Variants in NINL observed in about 807,000 individuals in gnomAD.
NINL encodes ninein-like protein.
NINL carries 153 observed loss-of-function variants against 160.3 expected under a neutral mutation model. That is an observed-to-expected ratio of 0.95 (90% confidence interval 0.84 to 1.09). The LOEUF (loss-of-function observed/expected upper bound fraction) is 1.09. Among genes scored for constraint, NINL ranks in the 50% least tolerant of loss-of-function variants. The pLI is 0.00. For synonymous variants in NINL, 800 were observed against 734.8 expected (o/e 1.09, Z -1.43); for missense variants, 1,829 against 1,764.0 (o/e 1.04, Z -0.66).
At position 25,543,254 on chromosome 20, in the gene NINL, TAA is replaced by T. The variant is rs903742302; in HGVS notation, c.-11-16658_-11-16657del. 2.0e-5 allele frequency among the ~76,000 whole-genome samples: 3 copies of T among 151,116 alleles called. No homozygotes were observed. In the East Asian group the frequency reaches 5.9e-4, roughly 30 times the overall value. ...AATTGCAGGATACAAAATCAGCACT[TAA>T]AAATCAGTTGCAGCCGGGTGTGGTG... On this transcript the variant is annotated intron_variant, in intron 1 of 23. Coordinates refer to ENST00000278886, the MANE Select transcript of NINL (RefSeq NM_025176.6).
At chr20:25,577,110 T>C (rs1411412270) in intron 1 of NINL, among the ~76,000 whole-genome samples, 1 of 152,130 alleles carries the variant, frequency 6.6e-6, no homozygotes, top group East Asian at 1.9e-4. Flanking sequence ...TACCCAGAGT[T>C]GGGGAAAATC....
intron 1 of NINL, among the ~76,000 whole-genome samples, chr20:25,532,887 C>T (rs753898950): frequency 2.6e-5 from 4 of 152,174 alleles, no homozygotes; most frequent in Admixed American, 1.3e-4. Flanking sequence ...AGGGGCAAAG[C>T]GTCTTTCCGT....
At chr20:25,564,337 G>T (rs2064977060) in intron 1 of NINL, among the ~76,000 whole-genome samples, 1 of 151,680 alleles carries the variant, frequency 6.6e-6, no homozygotes, top group African/African-American at 2.4e-5. Context: ...GTTTTTTTGA[G>T]ACAGAGTTTT....
At chr20:25,513,065 G>T in intron 3 of NINL, 59 bp from the exon 4 acceptor site, 1 of 1,529,022 alleles carries the variant, frequency 6.5e-7, no homozygotes, top group Admixed American at 1.9e-5. Flanking sequence ...GGCCCATGCA[G>T]GCCAGCAGGT....
Position 25,455,725 on chromosome 20 carries a change from A to C in NINL, c.3905T>G (p.Leu1302Arg). The part of the protein sequence containing the change: ...EERVEEAEMI[L>R]KNMEMLLQEK... ...TTGGAGGAGCATTTCCATATTCTTCAGAATCATCTCCGCCTCTTCCACCCG... is the reference window on the plus strand; with the variant it reads ...TTGGAGGAGCATTTCCATATTCTTCCGAATCATCTCCGCCTCTTCCACCCG... Residue 1302 changes from leucine (L) to arginine (R), a missense_variant, in exon 23 of 24, where the codon CTG becomes CGG. Physicochemically the swap from Leu to Arg is moderately radical, Grantham distance 102 (BLOSUM62 -2). Coordinates refer to ENST00000278886, the MANE Select transcript of NINL (RefSeq NM_025176.6). The C allele has an allele frequency of 6.2e-7, 1 of 1,614,196 alleles. No homozygotes were observed. The highest frequency in any genetic ancestry group is 8.5e-7 in the Non-Finnish European group (1 of 1,180,022).
intron 13 of NINL, chr20:25,488,977 C>G (rs1035579078): frequency 2.3e-5 from 11 of 478,478 alleles, no homozygotes; most frequent in Non-Finnish European, 4.2e-5. Context: ...ACACGCATGG[C>G]AGGTTTGGCC....
At chr20:25,498,896 C>T (rs2063812080) in intron 8 of NINL, 1 of 985,090 alleles carries the variant, frequency 1.0e-6, no homozygotes, top group East Asian at 1.1e-4. Context: ...AACTTCAAAG[C>T]ACAGAACAGC....
At chr20:25,502,602 A>T (rs551639295) in intron 7 of NINL, among the ~76,000 whole-genome samples, 35 of 152,280 alleles carry the variant, frequency 2.3e-4, no homozygotes, top group African/African-American at 8.4e-4. Flanking sequence ...CCGATGTTGG[A>T]GGTGGGGCCT....
Position 25,496,742 on chromosome 20 carries a change from C to A in NINL, c.1231G>T (p.Glu411Ter). Residue 411 changes from glutamate (E) to a stop codon, truncating the protein, a stop_gained, in exon 10 of 24, where the codon GAG becomes TAG. Transcript: ENST00000278886. LOFTEE classifies it high-confidence loss of function. Reference sequence around the variant, plus strand: ...TTCACAAACTCCAGGTTCCTCTTCTCGGCCCTCTCCAGGTCCTGCCTTGCC... The same window carrying A: ...TTCACAAACTCCAGGTTCCTCTTCTAGGCCCTCTCCAGGTCCTGCCTTGCC... ...DKARQDLERA[E>*]KRNLEFVKEM... is the part of the protein sequence containing the mutation. 2 of 1,614,082 alleles carry A rather than the reference C, an allele frequency of 1.2e-6. No homozygotes were observed. The highest frequency in any genetic ancestry group is 4.5e-5 in the East Asian group (2 of 44,878).
At chr20:25,470,146 G>A in intron 17 of NINL, 51 bp from the exon 18 acceptor site, 3 of 1,446,826 alleles carry the variant, frequency 2.1e-6, no homozygotes, top group South Asian at 2.3e-5. Flanking sequence ...GCCACATGTG[G>A]TCACGGAGGC....
At chr20:25,506,736 C>A (rs965042378) in intron 5 of NINL, among the ~76,000 whole-genome samples, 3 of 152,150 alleles carry the variant, frequency 2.0e-5, no homozygotes, top group Non-Finnish European at 2.9e-5. Flanking sequence ...CCCATGGACA[C>A]TGAAGGACGG....
At chr20:25,558,032 T>C (rs1321980220) in intron 1 of NINL, among the ~76,000 whole-genome samples, 3 of 149,704 alleles carry the variant, frequency 2.0e-5, no homozygotes, top group African/African-American at 7.4e-5. Context: ...TCACAGCTAC[T>C]CGGGAGGCTG....
intron 1 of NINL, among the ~76,000 whole-genome samples, chr20:25,535,951 A>G (rs1216710643): frequency 6.6e-6 from 1 of 152,208 alleles, no homozygotes; most frequent in Non-Finnish European, 1.5e-5. Flanking sequence ...TTGGGACAAC[A>G]AATGAAAAAC....
At position 25,526,579 on chromosome 20, in the gene NINL, T is replaced by C. The variant is rs756408659; in HGVS notation, c.9A>G (p.Glu3=). Residue 3 remains glutamate, a synonymous_variant, in exon 2 of 24, where the codon GAA becomes GAG. Transcript: ENST00000278886. ...GCTGCGAGACATAGTGGTTCTCTTC[T>C]TCATCCATCCCATAGCAGGCTGGCA... MD[E]EENHYVSQLR... The C allele has an allele frequency of 1.2e-6, 2 of 1,613,706 alleles. No individual in the cohort carries two copies. Among genetic ancestry groups the C allele is most frequent in the South Asian group, 1.1e-5 (1 of 91,060 alleles).
chr20:25,453,761 T>G, intron 23 of NINL, 119 bp from the exon 24 acceptor site: 1 of 921,086 alleles, frequency 1.1e-6, no homozygotes. Context: ...CTTAGAAATC[T>G]GACCCAAGGC....
intron 1 of NINL, among the ~76,000 whole-genome samples, chr20:25,569,900 T>C (rs963721714): frequency 6.6e-6 from 1 of 152,118 alleles, no homozygotes; most frequent in African/African-American, 2.4e-5. Context: ...AGCTAGGTAC[T>C]GCAGCCGGGC....
Position 25,490,134 on chromosome 20 carries a change from C to T in NINL, c.1486-149G>A, listed in dbSNP as rs556946207. On this transcript the variant is annotated intron_variant, in intron 11 of 23. Coordinates refer to ENST00000278886, the MANE Select transcript of NINL (RefSeq NM_025176.6). The stretch of plus-strand genomic sequence containing the variant: ...GGCGAGGCACCTGGTGCTGTGCAGG[C>T]GGCTGTGCCGGGGATGTCCCCCACC... 265 of 717,006 alleles carry T rather than the reference C, an allele frequency of 3.7e-4. 1 individual carries two copies. The highest frequency in any genetic ancestry group is 2.3e-3 in the Middle Eastern group (9 of 3,882). 44.4% of individuals were successfully genotyped at this position (717,006 alleles called of 1,614,324 possible). A position where few individuals can be genotyped will look rare whatever the true frequency, so the allele number is the denominator to read the frequency against.
chr20:25,508,146 C>T (rs2063998007), intron 5 of NINL, among the ~76,000 whole-genome samples: 1 of 152,234 alleles, frequency 6.6e-6, no homozygotes, highest in Non-Finnish European at 1.5e-5. Context: ...TCCAGCACCA[C>T]AGCTGGAAGC....
chr20:25,568,783 T>C (rs2065021673), intron 1 of NINL, among the ~76,000 whole-genome samples: 1 of 151,906 alleles, frequency 6.6e-6, no homozygotes, highest in Non-Finnish European at 1.5e-5. Context: ...GCCCTGAAAT[T>C]GAAGAAAGAA....
Sources: allele counts gnomAD v4.1 joint callset (sites outside exome capture counted in the v4.1 genomes callset), GRCh38; gene constraint gnomAD v4.1.1; transcripts MANE v1.5; gene names NCBI Gene and HGNC (gene_info 2026-07-23, HGNC 2026-07-21).